The following LINGO2 variants were observed in gnomAD, a reference collection of about 807,000 sequenced individuals.
LINGO2 encodes the protein leucine-rich repeat and immunoglobulin-like domain-containing nogo receptor-interacting protein 2.
A neutral mutation model predicts 30.6 loss-of-function variants in LINGO2; 14 were observed. The observed-to-expected ratio is 0.46, with a 90% CI of 0.30 to 0.72. The LOEUF is 0.72. Ranked by LOEUF, LINGO2 falls within the 30% of genes least tolerant of loss-of-function variation. The probability of loss-of-function intolerance (pLI) is 0.07; values close to 1 mark genes in which losing one functional copy is unlikely to be tolerated. For missense variants in LINGO2, 729 were observed against 751.7 expected (o/e 0.97, Z 0.35); for synonymous variants, 317 against 288.5 (o/e 1.10, Z -1.00).
At chr9:29,209,220 T>G in the LINGO2 span, among the ~76,000 whole-genome samples, 1 of 152,112 alleles carries the variant, frequency 6.6e-6, no homozygotes, top group South Asian at 2.1e-4. Flanking sequence ...TGAATACCTA[T>G]CCATGCTTTT....
At chr9:28,790,321 C>CTTTTTTTTTTTTTTT in the LINGO2 span, among the ~76,000 whole-genome samples, 1 of 116,288 alleles carries the variant, frequency 8.6e-6, no homozygotes, top group Admixed American at 8.8e-5. Context: ...CTTTTCTTTT[C>CTTTTTTTTTTTTTTT]TTTCTTTTTT....
chr9:29,134,025 T>A, the LINGO2 span, among the ~76,000 whole-genome samples: 7,284 of 152,240 alleles, frequency 0.048, 279 homozygotes, highest in Admixed American at 0.072. Flanking sequence ...ATAGCTTTAA[T>A]CTCTATAGTT....
At chr9:28,034,501 C>T (rs1823836900) in intron 4 of LINGO2, among the ~76,000 whole-genome samples, 1 of 152,070 alleles carries the variant, frequency 6.6e-6, no homozygotes, top group Non-Finnish European at 1.5e-5. Context: ...GGCCCAGAAG[C>T]CCAGAATTTC....
the LINGO2 span, among the ~76,000 whole-genome samples, chr9:29,052,459 T>C: frequency 2.0e-5 from 3 of 152,344 alleles, no homozygotes; most frequent in Non-Finnish European, 4.4e-5. Flanking sequence ...TAGTGGATTA[T>C]TTATTGGCAA....
the LINGO2 span, among the ~76,000 whole-genome samples, chr9:29,189,938 T>C: frequency 1.1e-3 from 167 of 149,864 alleles, 1 homozygote; most frequent in Middle Eastern, 0.014. Context: ...GGCAGGGAGG[T>C]TGCAGTGAGC....
At position 28,610,041 on chromosome 9, in the gene LINGO2, A is replaced by G. The variant is rs149418531; in HGVS notation, c.-365+60159T>C. 2.0e-3 allele frequency among the ~76,000 whole-genome samples: 300 copies of G among 152,222 alleles called. 3 individuals carry two copies. The highest frequency in any genetic ancestry group is 6.9e-3 in the African/African-American group (287 of 41,558). Reference sequence around the variant, plus strand: ...TTTAAATAGATCTGGAAGGACACATACCCAACTGTTAATAGTGGTTACCCC... The same window carrying G: ...TTTAAATAGATCTGGAAGGACACATGCCCAACTGTTAATAGTGGTTACCCC... On this transcript the variant is annotated intron_variant, in intron 1 of 5. Coordinates refer to ENST00000379992, the Ensembl canonical transcript of LINGO2.
At chr9:28,021,271 T>C (rs751308201) in intron 4 of LINGO2, among the ~76,000 whole-genome samples, 13 of 152,292 alleles carry the variant, frequency 8.5e-5, no homozygotes, top group Non-Finnish European at 1.6e-4. Context: ...CCATGTGTTA[T>C]GTACAAGTGT....
chr9:27,961,155 T>G (rs1313898767), intron 5 of LINGO2, among the ~76,000 whole-genome samples: 1 of 152,166 alleles, frequency 6.6e-6, no homozygotes, highest in Non-Finnish European at 1.5e-5. Flanking sequence ...TTAGATGATA[T>G]TGTCCACCTT....
intron 4 of LINGO2, among the ~76,000 whole-genome samples, chr9:28,206,647 T>C (rs1820419683): frequency 1.3e-5 from 2 of 152,162 alleles, no homozygotes; most frequent in East Asian, 1.9e-4. Flanking sequence ...TATATTTCCA[T>C]AGATAGATAA....
chr9:28,940,747 G>A, the LINGO2 span, among the ~76,000 whole-genome samples: 1 of 152,124 alleles, frequency 6.6e-6, no homozygotes, highest in Non-Finnish European at 1.5e-5. Context: ...ATTGCTGACA[G>A]GACTTTCATT....
the LINGO2 span, among the ~76,000 whole-genome samples, chr9:28,788,329 T>C: frequency 1.3e-5 from 2 of 152,230 alleles, no homozygotes; most frequent in Non-Finnish European, 2.9e-5. Context: ...AGCTTTACCA[T>C]ATTTTTAAAG....
intron 4 of LINGO2, among the ~76,000 whole-genome samples, chr9:28,098,617 T>C (rs1228412113): frequency 5.3e-5 from 8 of 152,176 alleles, no homozygotes; most frequent in Non-Finnish European, 5.9e-5. Flanking sequence ...ATTCTGATAT[T>C]TTTATGTGTG....
At chr9:29,006,073 G>C in the LINGO2 span, among the ~76,000 whole-genome samples, 1 of 151,366 alleles carries the variant, frequency 6.6e-6, no homozygotes, top group African/African-American at 2.4e-5. Context: ...ATATTTAAAA[G>C]GGACTTTTAT....
At chr9:28,203,464 G>A (rs1039898268) in intron 4 of LINGO2, among the ~76,000 whole-genome samples, 3 of 152,122 alleles carry the variant, frequency 2.0e-5, no homozygotes, top group African/African-American at 7.2e-5. Context: ...TCTGAAGGAG[G>A]AATAGGTAGT....
At chr9:29,128,563 C>T in the LINGO2 span, among the ~76,000 whole-genome samples, 2 of 152,036 alleles carry the variant, frequency 1.3e-5, no homozygotes, top group Admixed American at 1.3e-4. Context: ...AGGGTCTGGC[C>T]TGGTTAGCAT....
At chr9:28,400,197 TG>T (rs2134739454) in intron 2 of LINGO2, among the ~76,000 whole-genome samples, 1 of 152,222 alleles carries the variant, frequency 6.6e-6, no homozygotes, top group African/African-American at 2.4e-5. Flanking sequence ...GCCTATTTTG[TG>T]AAGAGAATTA....
the LINGO2 span, among the ~76,000 whole-genome samples, chr9:29,029,721 C>G: frequency 1.3e-5 from 2 of 152,058 alleles, no homozygotes; most frequent in Non-Finnish European, 2.9e-5. Flanking sequence ...TTCAAGCCAC[C>G]TGATATGTTT....
intron 4 of LINGO2, among the ~76,000 whole-genome samples, chr9:28,069,603 CA>C (rs1825413773): frequency 6.6e-6 from 1 of 152,126 alleles, no homozygotes; most frequent in Admixed American, 6.6e-5. Context: ...TTTCTTATAC[CA>C]CTCCAAAATG....
At chr9:28,217,331 T>C (rs551265879) in intron 4 of LINGO2, among the ~76,000 whole-genome samples, 175 of 151,906 alleles carry the variant, frequency 1.2e-3, no homozygotes, top group Middle Eastern at 3.4e-3. Context: ...ATAGTTCCTG[T>C]GCCTATTGGG....
Sources: gnomAD v4.1 joint callset for allele counts (sites outside exome capture counted in the v4.1 genomes callset) on GRCh38, gnomAD v4.1.1 for gene constraint, MANE v1.5 for transcripts, NCBI Gene and HGNC (gene_info 2026-07-23, HGNC 2026-07-21) for gene names.